The following ULK4 variants were observed in gnomAD, a reference collection of about 807,000 sequenced individuals.
ULK4 encodes the protein inactive serine/threonine-protein kinase ULK4.
A neutral mutation model predicts 160.6 loss-of-function variants in ULK4; 133 were observed. The ratio of observed to expected loss-of-function variants is 0.83; its 90% CI spans 0.72 to 0.96. The LOEUF (loss-of-function observed/expected upper bound fraction) is 0.96. Ranked by LOEUF, ULK4 falls within the 40% of genes least tolerant of loss-of-function variation. ULK4 has a pLI of 0.00. For missense variants in ULK4, 1,580 were observed against 1,499.5 expected, an observed-to-expected ratio of 1.05 and a Z score of -0.89; for synonymous variants, 534 against 539.8, an observed-to-expected ratio of 0.99 and a Z score of 0.15.
At chr3:41,279,126 A>G (rs1345745438) in intron 35 of ULK4, among the ~76,000 whole-genome samples, 1 of 152,180 alleles carries the variant, frequency 6.6e-6, no homozygotes, top group Non-Finnish European at 1.5e-5. Context: ...TGAAAACCAC[A>G]GCACAAGAAC....
At chr3:41,415,966 T>C (rs1003398663) in intron 34 of ULK4, among the ~76,000 whole-genome samples, 1 of 152,246 alleles carries the variant, frequency 6.6e-6, no homozygotes, top group Non-Finnish European at 1.5e-5. Context: ...GATGTGAATT[T>C]TTATATGTCA....
At chr3:41,742,693 A>G (rs758061928) in intron 22 of ULK4, among the ~76,000 whole-genome samples, 10 of 152,034 alleles carry the variant, frequency 6.6e-5, no homozygotes, top group Non-Finnish European at 1.3e-4. Context: ...AGCAGCTATC[A>G]TAAAAATGTT....
intron 34 of ULK4, among the ~76,000 whole-genome samples, chr3:41,441,982 C>T (rs1158736400): frequency 6.6e-6 from 1 of 152,164 alleles, no homozygotes. Context: ...AAAATAGCCA[C>T]TCCAGCTTTC....
chr3:41,898,871 C>G (rs911904499), intron 13 of ULK4, among the ~76,000 whole-genome samples: 4 of 152,170 alleles, frequency 2.6e-5, no homozygotes, highest in Admixed American at 6.5e-5. Flanking sequence ...AAGACACAAT[C>G]CTATTTTCAG....
In ULK4 at chr3:41,767,945, A is replaced by G. The variant is rs774424272; in HGVS notation, c.2194-13457T>C. Reference sequence around the variant, plus strand: ...GTCCCCAACCCCCAGGCCACAGACCAGTACTGGCCTGTTAGGAACCCGGCT... The same window carrying G: ...GTCCCCAACCCCCAGGCCACAGACCGGTACTGGCCTGTTAGGAACCCGGCT... On this transcript the variant is annotated intron_variant, in intron 21 of 36. Transcript: ENST00000301831. Among the ~76,000 whole-genome samples, 27 of 152,330 alleles carry G rather than the reference A, an allele frequency of 1.8e-4. 1 individual carries two copies. Among genetic ancestry groups the G allele is most frequent in the Admixed American group, 5.2e-4 (8 of 15,302 alleles).
At chr3:41,714,375 A>T (rs1328881586) in intron 25 of ULK4, among the ~76,000 whole-genome samples, 1 of 152,264 alleles carries the variant, frequency 6.6e-6, no homozygotes, top group Non-Finnish European at 1.5e-5. Context: ...ATCTTTTTTT[A>T]AAAAAATTCC....
In ULK4 at chr3:41,913,382, C is replaced by T. The variant is rs183361182; in HGVS notation, c.804-483G>A. The stretch of plus-strand genomic sequence containing the variant: ...CTGGGACTACAGGCGTCCGCCACCA[C>T]GCCTGGATAATTTTTTGTATTTTTA... On this transcript the variant is annotated intron_variant, in intron 8 of 36. Transcript: ENST00000301831. Among the ~76,000 whole-genome samples, 513 of 152,126 alleles carry T rather than the reference C, an allele frequency of 3.4e-3. 4 individuals carry two copies. The highest frequency in any genetic ancestry group is 5.9e-3 in the Non-Finnish European group (398 of 67,994).
chr3:41,346,673 G>A (rs1274444171), intron 35 of ULK4, among the ~76,000 whole-genome samples: 1 of 152,184 alleles, frequency 6.6e-6, no homozygotes, highest in Non-Finnish European at 1.5e-5. Context: ...TTTTCATTGG[G>A]AACTACTTTT....
At chr3:41,603,225 TAAAG>T (rs1175176641) in intron 31 of ULK4, among the ~76,000 whole-genome samples, 4 of 151,978 alleles carry the variant, frequency 2.6e-5, no homozygotes, top group East Asian at 1.9e-4. Context: ...AACAGGAACA[TAAAG>T]AAACACTACA....
intron 34 of ULK4, among the ~76,000 whole-genome samples, chr3:41,447,903 T>G (rs549654077): frequency 1.3e-5 from 2 of 152,198 alleles, no homozygotes; most frequent in South Asian, 4.2e-4. Flanking sequence ...TGATGCAATT[T>G]TAAAGCAAGC....
intron 35 of ULK4, among the ~76,000 whole-genome samples, chr3:41,387,747 C>T (rs989650928): frequency 2.6e-5 from 4 of 152,156 alleles, no homozygotes; most frequent in Admixed American, 1.3e-4. Flanking sequence ...TGTATATGTG[C>T]CACATTTTCT....
chr3:41,484,541 C>T (rs1279766497), intron 32 of ULK4, among the ~76,000 whole-genome samples: 1 of 150,908 alleles, frequency 6.6e-6, no homozygotes, highest in Non-Finnish European at 1.5e-5. Context: ...CAAGCTCCGC[C>T]TCCCGGGTTC....
chr3:41,699,992 C>T (rs2036619681), intron 27 of ULK4, among the ~76,000 whole-genome samples: 1 of 152,048 alleles, frequency 6.6e-6, no homozygotes, highest in Non-Finnish European at 1.5e-5. Context: ...TAGGTTATTG[C>T]TCATTAGGCA....
At chr3:41,452,813 A>C (rs563247615) in intron 34 of ULK4, among the ~76,000 whole-genome samples, 1 of 152,190 alleles carries the variant, frequency 6.6e-6, no homozygotes, top group Non-Finnish European at 1.5e-5. Flanking sequence ...CGAGCTAAGA[A>C]TATCTTCCAT....
chr3:41,794,482 G>A (rs2040235660), intron 20 of ULK4, among the ~76,000 whole-genome samples: 1 of 151,724 alleles, frequency 6.6e-6, no homozygotes, highest in Non-Finnish European at 1.5e-5. Context: ...TGACCAACAT[G>A]GTGAAACCCT....
chr3:41,577,578 G>A (rs971289917), intron 31 of ULK4, among the ~76,000 whole-genome samples: 7 of 151,520 alleles, frequency 4.6e-5, no homozygotes, highest in Admixed American at 2.6e-4. Flanking sequence ...ATTCTTCCGC[G>A]CCCCCATTAA....
At chr3:41,650,587 A>G (rs1357369967) in intron 30 of ULK4, among the ~76,000 whole-genome samples, 2 of 152,216 alleles carry the variant, frequency 1.3e-5, no homozygotes, top group Non-Finnish European at 2.9e-5. Flanking sequence ...CGCAGTGGAC[A>G]GACCCCATGC....
intron 30 of ULK4, among the ~76,000 whole-genome samples, chr3:41,621,284 C>A (rs1294209902): frequency 6.6e-6 from 1 of 151,974 alleles, no homozygotes; most frequent in African/African-American, 2.4e-5. Context: ...CATATGGAAC[C>A]AAAAAAGAGC....
chr3:41,277,034 C>A (rs2079240258), intron 35 of ULK4, among the ~76,000 whole-genome samples: 1 of 152,026 alleles, frequency 6.6e-6, no homozygotes, highest in Non-Finnish European at 1.5e-5. Flanking sequence ...TGGAAAAATA[C>A]AACCCTCTTG....
Sources: allele counts gnomAD v4.1 joint callset (sites outside exome capture counted in the v4.1 genomes callset), GRCh38; gene constraint gnomAD v4.1.1; transcripts MANE v1.5; gene names NCBI Gene and HGNC (gene_info 2026-07-23, HGNC 2026-07-21).